PDZD2: variants seen among roughly 807,000 people sequenced by gnomAD.
The protein encoded by PDZD2 is PDZ domain-containing protein 2.
In PDZD2, 90 loss-of-function variants were observed where a neutral mutation model predicts 220.7. That is an observed-to-expected ratio of 0.41 (90% CI 0.34 to 0.49). PDZD2 has a LOEUF of 0.49. Ranked by LOEUF, PDZD2 falls within the 20% of genes least tolerant of loss-of-function variation. The probability of loss-of-function intolerance (pLI) is 0.28; values close to 1 mark genes in which losing one functional copy is unlikely to be tolerated. For missense variants in PDZD2, 3,174 were observed against 3,608.5 expected (o/e 0.88, Z 3.08); for synonymous variants, 1,375 against 1,450.5 (o/e 0.95, Z 1.18).
At chr5:31,898,172 A>G (rs1421112541) in intron 2 of PDZD2, among the ~76,000 whole-genome samples, 1 of 152,240 alleles carries the variant, frequency 6.6e-6, no homozygotes, top group Non-Finnish European at 1.5e-5. Flanking sequence ...AGTACAGAGT[A>G]TGGTCGGATC....
intron 8 of PDZD2, 123 bp downstream of exon 8, chr5:32,048,807 C>A: frequency 1.1e-6 from 1 of 934,008 alleles, no homozygotes; most frequent in Non-Finnish European, 1.6e-6. Flanking sequence ...AGACAGCAGG[C>A]AAAGTGAGGT....
At chr5:31,877,308 C>T (rs1486926606) in intron 2 of PDZD2, among the ~76,000 whole-genome samples, 4 of 152,106 alleles carry the variant, frequency 2.6e-5, no homozygotes, top group Middle Eastern at 3.4e-3. Flanking sequence ...CTTGGTCTCT[C>T]GGGCTCAAGC....
At chr5:31,758,364 C>G (rs1274325526) in intron 1 of PDZD2, among the ~76,000 whole-genome samples, 1 of 152,178 alleles carries the variant, frequency 6.6e-6, no homozygotes, top group Non-Finnish European at 1.5e-5. Context: ...GGCAGCCTTA[C>G]AGGCCAGGGA....
Position 32,088,660 on chromosome 5 carries a change from C to T in PDZD2, c.5212C>T (p.Leu1738=). ...CATGGTAAATGGCTTGGAACATGAC[C>T]TGCTAGATGACGAAACCCTGAATCA... The part of the protein sequence containing the change: ...PNMVNGLEHD[L]LDDETLNQYE... Residue 1738 remains leucine, a synonymous_variant, in exon 20 of 25, where the codon CTG becomes TTG. Coordinates refer to ENST00000438447, the MANE Select transcript of PDZD2 (RefSeq NM_178140.4). This position sits in a 1 kb window ranked among gnomAD's most constrained non-coding sequence, Gnocchi z 4.6. The T allele has an allele frequency of 1.2e-6, 2 of 1,613,880 alleles. No homozygotes were observed. Among genetic ancestry groups the T allele is most frequent in the Non-Finnish European group, 1.7e-6 (2 of 1,179,806 alleles).
chr5:31,695,994 C>T (rs1315861057), intron 1 of PDZD2, among the ~76,000 whole-genome samples: 1 of 152,008 alleles, frequency 6.6e-6, no homozygotes, highest in Non-Finnish European at 1.5e-5. Flanking sequence ...TTTTTTTCAC[C>T]CTTCTCTATT....
At chr5:31,644,614 C>T (rs1216049421) in intron 1 of PDZD2, among the ~76,000 whole-genome samples, 5 of 152,184 alleles carry the variant, frequency 3.3e-5, no homozygotes, top group Non-Finnish European at 5.9e-5. Flanking sequence ...TACCCCCGGC[C>T]GTGGCTTCTC....
chr5:31,983,499 A>T lies in PDZD2; in HGVS notation c.821A>T (p.Lys274Met). 6.2e-7 allele frequency: 1 copy of T among 1,614,150 alleles called. No homozygotes were observed. The highest frequency in any genetic ancestry group is 8.5e-7 in the Non-Finnish European group (1 of 1,179,970). ...FQLENGPDSL[K>M]EVAGPHLERS... ...CTAGAAAATGGCCCAGATTCTCTCA[A>T]GGAGGTGGCTGGACCCCATCTAGAG... Residue 274 changes from lysine to methionine, a missense_variant, in exon 3 of 25, where the codon AAG (lysine) becomes ATG (methionine). By Grantham distance (95) the Lys-to-Met change is moderately conservative. Around this residue, in one of 4 missense-constraint regions of PDZD2, gnomAD observed 632 missense variants for 708.1 expected, o/e 0.89. Coordinates refer to ENST00000438447, the MANE Select transcript of PDZD2 (RefSeq NM_178140.4).
chr5:31,761,995 T>G (rs114749295), intron 1 of PDZD2, among the ~76,000 whole-genome samples: 1,752 of 152,164 alleles, frequency 0.012, 32 homozygotes, highest in African/African-American at 0.039. Context: ...GCACCTCACA[T>G]GGCTAATGCA....
intron 6 of PDZD2, among the ~76,000 whole-genome samples, chr5:32,016,138 T>C (rs1753764630): frequency 6.6e-6 from 1 of 152,188 alleles, no homozygotes; most frequent in African/African-American, 2.4e-5. Flanking sequence ...TGATTCTTCG[T>C]TGGTGGAACT....
chr5:31,739,746 A>G (rs928617639), intron 1 of PDZD2, among the ~76,000 whole-genome samples: 1 of 152,132 alleles, frequency 6.6e-6, no homozygotes, highest in East Asian at 1.9e-4. Flanking sequence ...GATGCCCTCT[A>G]AAGGTATTTT....
intron 2 of PDZD2, among the ~76,000 whole-genome samples, chr5:31,887,325 A>T (rs79628042): frequency 0.024 from 3,652 of 152,274 alleles, 115 homozygotes; most frequent in East Asian, 0.087. Flanking sequence ...GTGTTAGGAA[A>T]GTGACTCTTG....
intron 12 of PDZD2, among the ~76,000 whole-genome samples, chr5:32,058,858 A>AT (rs1344731265): frequency 3.9e-5 from 6 of 152,198 alleles, no homozygotes. Flanking sequence ...TAGAAACATG[A>AT]TGGAAGATTA....
chr5:32,038,048 TG>T (rs1755696004), intron 7 of PDZD2, among the ~76,000 whole-genome samples: 1 of 149,370 alleles, frequency 6.7e-6, no homozygotes, highest in South Asian at 2.2e-4. Flanking sequence ...TTCACCATGT[TG>T]GCCAGGCTGG....
chr5:31,708,474 G>A (rs953409522), intron 1 of PDZD2, among the ~76,000 whole-genome samples: 18 of 152,082 alleles, frequency 1.2e-4, no homozygotes, highest in African/African-American at 4.3e-4. Context: ...AGCCCCCAAA[G>A]CTCTTTCTTT....
intron 2 of PDZD2, chr5:31,840,438 A>C (rs1025198328): frequency 1.6e-5 from 1 of 63,742 alleles, no homozygotes; most frequent in African/African-American, 6.1e-5. Flanking sequence ...ATATATATAT[A>C]TATATATATA....
At chr5:31,825,801 AC>A (rs1211998380) in intron 2 of PDZD2, among the ~76,000 whole-genome samples, 3 of 152,184 alleles carry the variant, frequency 2.0e-5, no homozygotes, top group African/African-American at 7.2e-5. Flanking sequence ...CATGCTAACC[AC>A]GGTGCTGCTT....
chr5:32,089,445 C>T lies in PDZD2; in HGVS notation c.5997C>T (p.Ser1999=), dbSNP rs1403987963. ...CTGTTCCTGAGCAAGGCATGTGGAG[C>T]AGGTTCCACATGGCTGTCCTCTCTG... is the stretch of plus-strand genomic sequence containing the variant. ...PKPVPEQGMW[S]RFHMAVLSEP... is the part of the protein sequence containing the mutation. Residue 1999 remains serine, a synonymous_variant, in exon 20 of 25, where the codon AGC becomes AGT. Coordinates refer to ENST00000438447, the MANE Select transcript of PDZD2 (RefSeq NM_178140.4). The T allele has an allele frequency of 5.0e-6, 8 of 1,614,016 alleles. No individual in the cohort carries two copies. The highest frequency in any genetic ancestry group is 5.9e-6 in the Non-Finnish European group (7 of 1,180,040).
At chr5:31,877,162 GATT>G (rs1460563972) in intron 2 of PDZD2, among the ~76,000 whole-genome samples, 1 of 152,144 alleles carries the variant, frequency 6.6e-6, no homozygotes, top group Non-Finnish European at 1.5e-5. Context: ...AGTAGCATAG[GATT>G]ATTAACAGTT....
intron 2 of PDZD2, chr5:31,908,519 GC>G: frequency 3.7e-6 from 4 of 1,077,676 alleles, no homozygotes; most frequent in Non-Finnish European, 5.4e-6. Flanking sequence ...TCCGCTGAAG[GC>G]CCCGAGGGCG....
Sources: allele counts gnomAD v4.1 joint callset (sites outside exome capture counted in the v4.1 genomes callset), GRCh38; gene constraint gnomAD v4.1.1; regional missense constraint gnomAD v4.1.1; non-coding constraint Gnocchi (gnomAD v3.1); transcripts MANE v1.5; gene names NCBI Gene and HGNC (gene_info 2026-07-23, HGNC 2026-07-21).